SRGAP1: variants seen among roughly 807,000 people sequenced by gnomAD.
SRGAP1 encodes the protein SLIT-ROBO Rho GTPase-activating protein 1.
SRGAP1 carries 43 observed loss-of-function variants against 121.9 expected under a neutral mutation model. That is an observed-to-expected ratio of 0.35 (90% CI 0.28 to 0.46). The LOEUF (loss-of-function observed/expected upper bound fraction) is 0.46, where lower values mean the gene tolerates loss of function less well. Among genes scored for constraint, SRGAP1 ranks in the 20% least tolerant of loss-of-function variants. The probability of loss-of-function intolerance (pLI) is 1.00; values close to 1 mark genes in which losing one functional copy is unlikely to be tolerated. For missense variants in SRGAP1, 1,102 were observed against 1,350.9 expected (o/e 0.82, Z 2.89); for synonymous variants, 447 against 485.4 (o/e 0.92, Z 1.04).
At chr12:63,904,251 T>C (rs1201246357) in intron 1 of SRGAP1, among the ~76,000 whole-genome samples, 1 of 152,190 alleles carries the variant, frequency 6.6e-6, no homozygotes, top group Non-Finnish European at 1.5e-5. Flanking sequence ...ATATTTCCCA[T>C]GTTCCCTTGC....
chr12:63,961,252 T>C (rs1393619410), intron 1 of SRGAP1, among the ~76,000 whole-genome samples: 1 of 152,258 alleles, frequency 6.6e-6, no homozygotes, highest in African/African-American at 2.4e-5. Flanking sequence ...GCATAAAACA[T>C]GTCCATAGTT....
chr12:63,923,798 C>G (rs1369243638), intron 1 of SRGAP1, among the ~76,000 whole-genome samples: 1 of 152,200 alleles, frequency 6.6e-6, no homozygotes, highest in East Asian at 1.9e-4. Context: ...TAATTGGTAA[C>G]TTGAACATTG....
intron 15 of SRGAP1, among the ~76,000 whole-genome samples, chr12:64,107,898 G>T (rs1261254787): frequency 6.6e-6 from 1 of 152,130 alleles, no homozygotes; most frequent in African/African-American, 2.4e-5. Flanking sequence ...GTAGTCTTGG[G>T]ATCCAAGAAA....
At chr12:64,043,038 C>A (rs1043084835) in intron 5 of SRGAP1, 66 bp downstream of exon 5, 2 of 1,067,800 alleles carry the variant, frequency 1.9e-6, no homozygotes, top group East Asian at 2.4e-5. Context: ...AACACTGATG[C>A]AATAGCTGAT....
intron 1 of SRGAP1, among the ~76,000 whole-genome samples, chr12:63,933,112 C>G (rs544774620): frequency 1.3e-5 from 2 of 152,060 alleles, no homozygotes; most frequent in Non-Finnish European, 2.9e-5. Context: ...CACTTGAACC[C>G]GGGAGGTGGA....
rs1485647486 is a variant in SRGAP1, at chr12:64,160,923, C to G, written c.*18251C>G. On this transcript the variant is annotated 3_prime_UTR_variant, in exon 22 of 22. Coordinates refer to ENST00000355086, the MANE Select transcript of SRGAP1 (RefSeq NM_020762.4). The stretch of plus-strand genomic sequence containing the variant: ...GCATCAGTGTTGCTACCGAACATTC[C>G]AAAGCCATTCTAATTCTGTTACTTT... 1 of 152,284 alleles carries G rather than the reference C, an allele frequency of 6.6e-6. No homozygotes were observed. Among genetic ancestry groups the G allele is most frequent in the African/African-American group, 2.4e-5 (1 of 41,564 alleles). 9.4% of individuals were successfully genotyped at this position (152,284 alleles called of 1,614,324 possible). A position where few individuals can be genotyped will look rare whatever the true frequency, so the allele number is the denominator to read the frequency against.
intron 1 of SRGAP1, among the ~76,000 whole-genome samples, chr12:63,945,928 A>G (rs2032030350): frequency 6.6e-6 from 1 of 151,978 alleles, no homozygotes; most frequent in African/African-American, 2.4e-5. Flanking sequence ...ACACCTTTCT[A>G]CCTAGTTCAC....
intron 1 of SRGAP1, among the ~76,000 whole-genome samples, chr12:63,889,034 T>G (rs1900487724): frequency 6.6e-6 from 1 of 152,142 alleles, no homozygotes; most frequent in Admixed American, 6.5e-5. Context: ...GCTTTCCACT[T>G]CTTGAGCTTT....
At chr12:64,024,581 G>A (rs374740528) in intron 4 of SRGAP1, among the ~76,000 whole-genome samples, 2 of 152,224 alleles carry the variant, frequency 1.3e-5, no homozygotes, top group South Asian at 2.1e-4. Flanking sequence ...AAGGATCCAT[G>A]TCTTGCTCCA....
intron 3 of SRGAP1, among the ~76,000 whole-genome samples, chr12:64,009,370 T>G (rs1397443452): frequency 1.3e-5 from 2 of 152,174 alleles, no homozygotes; most frequent in Non-Finnish European, 2.9e-5. Flanking sequence ...TTCATGTGTT[T>G]CTTGAAGAGC....
At position 63,887,184 on chromosome 12, in the gene SRGAP1, AT is replaced by A. The variant is rs1430017687; in HGVS notation, c.67+42305del. On this transcript the variant is annotated intron_variant, in intron 1 of 21. Transcript: ENST00000355086. ...CCACCGTGCCTGGCCAGATTTAATG[AT>A]TTTAACCAGTGGGGTCATGTGGAGG... Among the ~76,000 whole-genome samples, 5 of 152,202 alleles carry A rather than the reference AT, an allele frequency of 3.3e-5. No homozygotes were observed. In the East Asian group the frequency reaches 9.7e-4, roughly 29 times the overall value.
intron 6 of SRGAP1, among the ~76,000 whole-genome samples, chr12:64,053,444 CAG>C (rs903478440): frequency 2.0e-4 from 31 of 152,288 alleles, no homozygotes; most frequent in African/African-American, 6.7e-4. Context: ...TCACTTAAAA[CAG>C]AAGACTTTTA....
intron 15 of SRGAP1, among the ~76,000 whole-genome samples, chr12:64,102,481 A>G (rs560923589): frequency 1.3e-5 from 2 of 152,310 alleles, no homozygotes; most frequent in South Asian, 2.1e-4. Flanking sequence ...GAATTATGCA[A>G]CCATCACCAC....
chr12:64,071,935 A>G (rs769401333), intron 8 of SRGAP1, among the ~76,000 whole-genome samples: 6 of 151,460 alleles, frequency 4.0e-5, no homozygotes, highest in East Asian at 1.9e-4. Context: ...GGTAATGCCT[A>G]CCCAACACAG....
intron 21 of SRGAP1, among the ~76,000 whole-genome samples, chr12:64,136,448 T>C (rs1305152299): frequency 6.6e-6 from 1 of 152,176 alleles, no homozygotes; most frequent in African/African-American, 2.4e-5. Context: ...AAAAGGCAAC[T>C]TCCAGCTATC....
At chr12:64,111,661 T>G in intron 16 of SRGAP1, 101 bp from the exon 17 acceptor site, 1 of 1,023,728 alleles carries the variant, frequency 9.8e-7, no homozygotes. Context: ...AACTTAAAGT[T>G]GAAGTATCTT....
intron 15 of SRGAP1, among the ~76,000 whole-genome samples, chr12:64,105,071 C>T (rs2036322659): frequency 6.6e-6 from 1 of 152,068 alleles, no homozygotes; most frequent in Non-Finnish European, 1.5e-5. Context: ...TCCTCCTGCA[C>T]CTCCGCCCCA....
At position 64,094,992 on chromosome 12, in the gene SRGAP1, G is replaced by T. The variant is rs1220271234; in HGVS notation, c.1600G>T (p.Gly534Cys). The T allele has an allele frequency of 6.2e-7, 1 of 1,613,764 alleles. No homozygotes were observed. Among genetic ancestry groups the T allele is most frequent in the African/African-American group, 1.3e-5 (1 of 74,884 alleles). ...CTGTATTCGGTTCATCAATCTCTAT[G>T]GTAAGCCATAAACTACAGAATTCTT... ...ESCIRFINLY[G>C]LQHQGIFRVS... Residue 534 changes from glycine (G) to cysteine (C), a missense_variant and splice_region_variant, in exon 13 of 22, where the codon GGT becomes TGT. Physicochemically the swap from Gly to Cys is radical, Grantham distance 159. Coordinates refer to ENST00000355086, the MANE Select transcript of SRGAP1 (RefSeq NM_020762.4).
chr12:63,944,898 C>T (rs994346128), intron 1 of SRGAP1, among the ~76,000 whole-genome samples: 6 of 152,212 alleles, frequency 3.9e-5, no homozygotes, highest in Non-Finnish European at 7.4e-5. Context: ...ACTGCTGTCA[C>T]CCCACCCGGG....
Sources: gnomAD v4.1 joint callset for allele counts (sites outside exome capture counted in the v4.1 genomes callset) on GRCh38, gnomAD v4.1.1 for gene constraint, MANE v1.5 for transcripts, NCBI Gene and HGNC (gene_info 2026-07-23, HGNC 2026-07-21) for gene names.